DIAPH3: variants seen among roughly 807,000 people sequenced by gnomAD.
DIAPH3 encodes the protein diaphanous related formin 3.
A neutral mutation model predicts 144.3 loss-of-function variants in DIAPH3; 117 were observed. The ratio of observed to expected loss-of-function variants is 0.81; its 90% confidence interval spans 0.70 to 0.95. The LOEUF (loss-of-function observed/expected upper bound fraction) is 0.95, where lower values mean the gene tolerates loss of function less well. DIAPH3 is among the 40% of genes least tolerant of loss of function. The probability of loss-of-function intolerance (pLI) is 0.00; values close to 1 mark genes in which losing one functional copy is unlikely to be tolerated. For missense variants in DIAPH3, 1,421 were observed against 1,412.7 expected (o/e 1.01, Z -0.09); for synonymous variants, 519 against 488.9 (o/e 1.06, Z -0.81).
At chr13:59,800,239 T>C (rs906822068) in intron 25 of DIAPH3, among the ~76,000 whole-genome samples, 21 of 152,236 alleles carry the variant, frequency 1.4e-4, no homozygotes, top group Admixed American at 1.3e-3. Context: ...TTTCTAAGAA[T>C]GGTAAACACC....
At chr13:59,842,862 T>C (rs1426038927) in intron 22 of DIAPH3, among the ~76,000 whole-genome samples, 1 of 152,112 alleles carries the variant, frequency 6.6e-6, no homozygotes. Flanking sequence ...TTCACTGCCC[T>C]TCCAGCACTT....
At chr13:60,013,560 C>G (rs149502349) in intron 7 of DIAPH3, among the ~76,000 whole-genome samples, 3 of 152,116 alleles carry the variant, frequency 2.0e-5, no homozygotes, top group Non-Finnish European at 4.4e-5. Context: ...CTTTCCCCTA[C>G]GCAATTAAAA....
At chr13:60,106,888 C>T (rs1408956707) in intron 3 of DIAPH3, among the ~76,000 whole-genome samples, 1 of 152,070 alleles carries the variant, frequency 6.6e-6, no homozygotes, top group Non-Finnish European at 1.5e-5. Context: ...CAGGGATGTT[C>T]TACAAATTAA....
chr13:60,008,357 C>T (rs1037882995), intron 9 of DIAPH3, among the ~76,000 whole-genome samples, 187 bp downstream of exon 9: 8 of 152,170 alleles, frequency 5.3e-5, no homozygotes, highest in African/African-American at 1.9e-4. Flanking sequence ...GAACGCGCCA[C>T]TGCACTCCAG....
chr13:60,042,586 T>A, intron 5 of DIAPH3, 104 bp downstream of exon 5: 1 of 1,390,978 alleles, frequency 7.2e-7, no homozygotes, highest in East Asian at 2.4e-5. Context: ...CAGTTTGTAC[T>A]TTGAGAAACT....
At chr13:59,988,984 G>A (rs2051619440) in intron 12 of DIAPH3, among the ~76,000 whole-genome samples, 1 of 151,652 alleles carries the variant, frequency 6.6e-6, no homozygotes, top group Admixed American at 6.6e-5. Flanking sequence ...AAGTGGAAAT[G>A]AAAAAAGATT....
intron 9 of DIAPH3, among the ~76,000 whole-genome samples, chr13:60,007,396 A>ATT (rs60507285): frequency 3.9e-5 from 6 of 151,910 alleles, no homozygotes; most frequent in South Asian, 4.1e-4. Flanking sequence ...TTTTCACTTT[A>ATT]TTTTTTTATT....
At chr13:60,023,642 C>T (rs1566672745) in intron 5 of DIAPH3, among the ~76,000 whole-genome samples, 1 of 151,766 alleles carries the variant, frequency 6.6e-6, no homozygotes, top group Non-Finnish European at 1.5e-5. Flanking sequence ...CCATTTTGGC[C>T]AGGCTAGTCT....
intron 13 of DIAPH3, among the ~76,000 whole-genome samples, chr13:59,981,974 T>C (rs2051047681): frequency 6.6e-6 from 1 of 151,572 alleles, no homozygotes; most frequent in Non-Finnish European, 1.5e-5. Context: ...GCATGAAATA[T>C]TTAATTTTGA....
intron 27 of DIAPH3, among the ~76,000 whole-genome samples, chr13:59,714,418 C>T (rs992907308): frequency 6.6e-6 from 1 of 151,188 alleles, no homozygotes; most frequent in Non-Finnish European, 1.5e-5. Flanking sequence ...ACCTGTAGTC[C>T]CAGCTACTTG....
Position 59,993,702 on chromosome 13 carries a change from T to TAAAAAA in DIAPH3, c.1015-1125_1015-1120dup, listed in dbSNP as rs3078724. Among the ~76,000 whole-genome samples the TAAAAAA allele has an allele frequency of 8.1e-4, 60 of 73,870 alleles. 1 individual carries two copies. Among genetic ancestry groups the TAAAAAA allele is most frequent in the African/African-American group, 3.3e-3 (55 of 16,476 alleles). 48.5% of individuals were successfully genotyped at this position (73,870 alleles called of 152,430 possible). A position where few individuals can be genotyped will look rare whatever the true frequency, so the allele number is the denominator to read the frequency against. ...GAGAGAGGAAGAAGAGAAACATACT[T>TAAAAAA]AAAAAAAAAAAAAAAAAAAACTTAA... is the stretch of plus-strand genomic sequence containing the variant. On this transcript the variant is annotated intron_variant, in intron 9 of 27. Coordinates refer to ENST00000400324, the MANE Select transcript of DIAPH3 (RefSeq NM_001042517.2).
chr13:59,832,125 G>A (rs900961336), intron 24 of DIAPH3, among the ~76,000 whole-genome samples: 1 of 151,738 alleles, frequency 6.6e-6, no homozygotes, highest in Non-Finnish European at 1.5e-5. Context: ...ACACATACAG[G>A]TATATCATAT....
intron 9 of DIAPH3, among the ~76,000 whole-genome samples, chr13:60,000,196 A>C (rs1478304515): frequency 6.6e-6 from 1 of 152,158 alleles, no homozygotes; most frequent in Non-Finnish European, 1.5e-5. Flanking sequence ...CTTCCTTGAA[A>C]AATATATTCT....
intron 14 of DIAPH3, among the ~76,000 whole-genome samples, chr13:59,976,019 T>G (rs769945255): frequency 3.3e-5 from 5 of 152,092 alleles, no homozygotes; most frequent in Non-Finnish European, 5.9e-5. Flanking sequence ...CCTAAGGACT[T>G]GCTAAATCAA....
At chr13:60,128,255 G>A (rs1454579293) in intron 2 of DIAPH3, among the ~76,000 whole-genome samples, 1 of 152,024 alleles carries the variant, frequency 6.6e-6, no homozygotes, top group African/African-American at 2.4e-5. Context: ...CTTTTTTATG[G>A]CTGCATAGTA....
intron 27 of DIAPH3, among the ~76,000 whole-genome samples, chr13:59,728,010 A>G (rs2035691873): frequency 1.3e-5 from 2 of 152,010 alleles, no homozygotes; most frequent in Non-Finnish European, 2.9e-5. Context: ...AAAAATGCCT[A>G]GAGTAGTACA....
At chr13:60,061,365 C>T (rs974268614) in intron 4 of DIAPH3, among the ~76,000 whole-genome samples, 11 of 151,784 alleles carry the variant, frequency 7.2e-5, no homozygotes, top group African/African-American at 2.7e-4. Flanking sequence ...GATGGAACTG[C>T]AAAACTGATT....
intron 27 of DIAPH3, among the ~76,000 whole-genome samples, chr13:59,716,905 C>T (rs1415390950): frequency 6.6e-6 from 1 of 151,872 alleles, no homozygotes. Context: ...CGTCAGCACT[C>T]TTTTGTGATG....
At chr13:59,845,388 T>C (rs1192145680) in intron 22 of DIAPH3, among the ~76,000 whole-genome samples, 3 of 152,146 alleles carry the variant, frequency 2.0e-5, no homozygotes, top group African/African-American at 4.8e-5. Context: ...TCTTCTCTGA[T>C]CTCTGGTCTC....
Sources: allele counts gnomAD v4.1 joint callset (sites outside exome capture counted in the v4.1 genomes callset), GRCh38; gene constraint gnomAD v4.1.1; transcripts MANE v1.5; gene names NCBI Gene and HGNC (gene_info 2026-07-23, HGNC 2026-07-21).